Variants in RYR2 observed in about 807,000 individuals in gnomAD.
RYR2 encodes the protein ryanodine receptor 2.
A neutral mutation model predicts 601.1 loss-of-function variants in RYR2; 227 were observed. That is an observed-to-expected ratio of 0.38 (90% CI 0.34 to 0.42). The LOEUF (loss-of-function observed/expected upper bound fraction) is 0.42. RYR2 is among the 10% of genes least tolerant of loss of function. The pLI is 1.00. For missense variants in RYR2, 4,646 were observed against 6,156.5 expected, an observed-to-expected ratio of 0.75 and a Z score of 8.21; for synonymous variants, 2,223 against 2,175.1, an observed-to-expected ratio of 1.02 and a Z score of -0.61.
chr1:237,180,778 A>G lies in RYR2; in HGVS notation c.49-89719A>G, dbSNP rs1460102740. On this transcript the variant is annotated intron_variant, in intron 1 of 104. Coordinates refer to ENST00000366574, the MANE Select transcript of RYR2 (RefSeq NM_001035.3). The surrounding 1 kb of genome is among the most constrained non-coding windows in gnomAD (Gnocchi z 5.3). The stretch of plus-strand genomic sequence containing the variant: ...ATTAATATGTTAATAGTAATATGCT[A>G]ACATGAATTATACCAATTATATAAT... Among the ~76,000 whole-genome samples the G allele has an allele frequency of 6.8e-6, 1 of 147,974 alleles. No individual in the cohort carries two copies. Among genetic ancestry groups the G allele is most frequent in the East Asian group, 1.9e-4 (1 of 5,140 alleles).
intron 41 of RYR2, among the ~76,000 whole-genome samples, chr1:237,629,885 C>T (rs2148676078): frequency 6.6e-6 from 1 of 152,060 alleles, no homozygotes; most frequent in Non-Finnish European, 1.5e-5. Flanking sequence ...ATAATTGTTG[C>T]ACACTAAAAA....
intron 10 of RYR2, among the ~76,000 whole-genome samples, chr1:237,401,988 A>G (rs188351911): frequency 6.6e-6 from 1 of 152,346 alleles, no homozygotes; most frequent in Admixed American, 6.5e-5. Context: ...CTTACTTATT[A>G]TCAAACATGG....
At chr1:237,342,744 C>G (rs531214178) in intron 3 of RYR2, among the ~76,000 whole-genome samples, 143 of 152,228 alleles carry the variant, frequency 9.4e-4, no homozygotes, top group Middle Eastern at 3.4e-3. Flanking sequence ...TTTGCTGGAA[C>G]CAGAAACCTT....
At chr1:237,045,096 C>T (rs970782111) in intron 1 of RYR2, among the ~76,000 whole-genome samples, 2 of 151,958 alleles carry the variant, frequency 1.3e-5, no homozygotes, top group East Asian at 3.9e-4. Context: ...GTCATTAAGA[C>T]ACCGTAATTG....
intron 62 of RYR2, 129 bp downstream of exon 62, chr1:237,680,706 G>A (rs1685800770): frequency 8.5e-6 from 5 of 590,060 alleles, no homozygotes; most frequent in South Asian, 3.0e-5. Flanking sequence ...GTGTCTTCAT[G>A]GAAACAAATA....
chr1:237,332,951 G>A (rs1696895870), intron 3 of RYR2, among the ~76,000 whole-genome samples: 1 of 152,064 alleles, frequency 6.6e-6, no homozygotes, highest in South Asian at 2.1e-4. Flanking sequence ...GGAATATCTA[G>A]GATTACAGAT....
intron 1 of RYR2, among the ~76,000 whole-genome samples, chr1:237,181,306 C>G (rs760289278): frequency 1.7e-4 from 25 of 148,900 alleles, no homozygotes; most frequent in Non-Finnish European, 2.7e-4. Flanking sequence ...TATACATTAC[C>G]GTATCTAATC....
intron 3 of RYR2, among the ~76,000 whole-genome samples, chr1:237,345,776 C>A (rs2050657): frequency 0.17 from 26,010 of 151,992 alleles, 2,367 homozygotes; most frequent in East Asian, 0.33. Flanking sequence ...ATGTCTAATA[C>A]CACATTTATC....
intron 29 of RYR2, among the ~76,000 whole-genome samples, chr1:237,577,768 AAGTTT>A (rs796328731): frequency 1.3e-5 from 2 of 152,126 alleles, no homozygotes; most frequent in South Asian, 4.1e-4. Flanking sequence ...TCACAAACAA[AAGTTT>A]ATCAGTAATC....
intron 24 of RYR2, among the ~76,000 whole-genome samples, chr1:237,526,117 A>G (rs899960858): frequency 1.4e-4 from 22 of 152,178 alleles, no homozygotes; most frequent in African/African-American, 5.1e-4. Context: ...AAGGGGTTGA[A>G]CTAATTTATG....
intron 29 of RYR2, among the ~76,000 whole-genome samples, chr1:237,573,467 G>T (rs2927940): frequency 0.58 from 87,216 of 149,566 alleles, 28,035 homozygotes; most frequent in Non-Finnish European, 0.71. Flanking sequence ...TTGAAAGACT[G>T]ATATGGCCAT....
rs367962841 is a variant in RYR2, at chr1:237,527,230, A to G, written c.2823-3197A>G. Among the ~76,000 whole-genome samples, 11 of 152,268 alleles carry G rather than the reference A, an allele frequency of 7.2e-5. 1 individual carries two copies. The highest frequency in any genetic ancestry group is 2.6e-4 in the African/African-American group (11 of 41,550). ...CCTTATATATAAGTCAGGCAATGTG[A>G]TGCCTCTGGATTTGTTCATTTTGCT... On this transcript the variant is annotated intron_variant, in intron 24 of 104. Coordinates refer to ENST00000366574, the MANE Select transcript of RYR2 (RefSeq NM_001035.3).
At chr1:237,635,122 C>T (rs1406266000) in intron 44 of RYR2, 130 bp downstream of exon 44, 8 of 603,386 alleles carry the variant, frequency 1.3e-5, no homozygotes, top group South Asian at 6.7e-5. Context: ...TGGCCAAAAC[C>T]GCAATTAATT....
At chr1:237,272,882 T>C (rs1478154112) in intron 2 of RYR2, among the ~76,000 whole-genome samples, 1 of 151,964 alleles carries the variant, frequency 6.6e-6, no homozygotes, top group Non-Finnish European at 1.5e-5. Context: ...ACCTGGAGAC[T>C]GCATGAGAAG....
At chr1:237,077,101 G>A (rs1665077324) in intron 1 of RYR2, among the ~76,000 whole-genome samples, 1 of 52,032 alleles carries the variant, frequency 1.9e-5, no homozygotes. Context: ...CACCAGGCCT[G>A]TCCTAAAAGA....
chr1:237,377,942 T>C (rs1292042371), intron 8 of RYR2, among the ~76,000 whole-genome samples: 2 of 152,144 alleles, frequency 1.3e-5, no homozygotes, highest in Non-Finnish European at 1.5e-5. Context: ...GGGCTGGAAA[T>C]GGGAGAATGA....
At chr1:237,341,531 T>G (rs1697789304) in intron 3 of RYR2, 11 of 431,242 alleles carry the variant, frequency 2.6e-5, no homozygotes, top group South Asian at 1.6e-4. Context: ...CGCGGTCTGT[T>G]TATTGCCTTC....
At chr1:237,687,398 C>CTTTTTTTT in intron 62 of RYR2, 57 bp from the exon 63 acceptor site, 1 of 328,478 alleles carries the variant, frequency 3.0e-6, no homozygotes, top group Non-Finnish European at 5.4e-6. Flanking sequence ...TTCCCCCTGT[C>CTTTTTTTT]TTTTCTACCT....
intron 1 of RYR2, among the ~76,000 whole-genome samples, chr1:237,185,293 G>T (rs541619886): frequency 6.6e-6 from 1 of 152,044 alleles, no homozygotes; most frequent in African/African-American, 2.4e-5. Context: ...CACCACACCC[G>T]GCTACATAGA....
Sources: gnomAD v4.1 joint callset for allele counts (sites outside exome capture counted in the v4.1 genomes callset) on GRCh38, gnomAD v4.1.1 for gene constraint, Gnocchi (gnomAD v3.1) non-coding constraint, MANE v1.5 for transcripts, NCBI Gene and HGNC (gene_info 2026-07-23, HGNC 2026-07-21) for gene names.